ACYP2: variants seen among roughly 807,000 people sequenced by gnomAD.
The protein encoded by ACYP2 is acylphosphatase-2.
Under a neutral mutation model 11.2 loss-of-function variants are expected in ACYP2, and 12 were observed. The observed-to-expected ratio is 1.08, with a 90% CI of 0.69 to 1.74. The LOEUF (loss-of-function observed/expected upper bound fraction) is 1.74. Ranked by LOEUF, ACYP2 falls within the 40% of genes most tolerant of loss-of-function variation. ACYP2 has a pLI of 0.00. For synonymous variants in ACYP2, 43 were observed against 32.2 expected, an observed-to-expected ratio of 1.33 and a Z score of -1.13; for missense variants, 134 against 101.9, an observed-to-expected ratio of 1.31 and a Z score of -1.35.
chr2:53,982,991 A>G (rs898954798), intron 2 of ACYP2, among the ~76,000 whole-genome samples: 2 of 152,072 alleles, frequency 1.3e-5, no homozygotes, highest in Admixed American at 1.3e-4. Flanking sequence ...TCCTATTATC[A>G]TGGAGCTCAC....
intron 4 of ACYP2, among the ~76,000 whole-genome samples, chr2:54,074,576 ATTTGTGTGTGTG>A (rs1347941283): frequency 1.6e-5 from 2 of 125,348 alleles, no homozygotes; most frequent in African/African-American, 6.7e-5. Context: ...ATAGAACAGA[ATTTGTGTGTGTG>A]TGTGTGTGTG....
intron 6 of ACYP2, among the ~76,000 whole-genome samples, chr2:54,194,471 C>T (rs771043817): frequency 6.6e-6 from 1 of 152,100 alleles, no homozygotes; most frequent in Non-Finnish European, 1.5e-5. Context: ...TCCTTTAACT[C>T]AGCTTTTTCA....
At chr2:54,225,518 A>G (rs1685977866) in intron 6 of ACYP2, among the ~76,000 whole-genome samples, 1 of 152,042 alleles carries the variant, frequency 6.6e-6, no homozygotes, top group African/African-American at 2.4e-5. Flanking sequence ...GGATTTTACT[A>G]TGCTCATTTT....
intron 6 of ACYP2, among the ~76,000 whole-genome samples, chr2:54,282,525 T>G (rs1035637362): frequency 6.6e-6 from 1 of 152,230 alleles, no homozygotes; most frequent in Non-Finnish European, 1.5e-5. Flanking sequence ...GTCACATGTT[T>G]TTCTCCATCT....
At position 54,008,066 on chromosome 2, in the gene ACYP2, C is replaced by A. The variant is rs7600539; in HGVS notation, c.62+34256C>A. Among the ~76,000 whole-genome samples the A allele has an allele frequency of 4.4e-4, 67 of 152,246 alleles. 1 individual carries two copies. Among genetic ancestry groups the A allele is most frequent in the African/African-American group, 1.6e-3 (65 of 41,566 alleles). ...GCTATGTTAGAATTTCTCTTACTGT[C>A]GTAATTTTGCAAACGCAGTTTCACT... On this transcript the variant is annotated intron_variant, in intron 2 of 6. Coordinates refer to ENST00000607452, the MANE Select transcript of ACYP2 (RefSeq NM_001320586.2).
intron 6 of ACYP2, among the ~76,000 whole-genome samples, chr2:54,200,045 T>C (rs1684692054): frequency 6.6e-6 from 1 of 152,230 alleles, no homozygotes; most frequent in Non-Finnish European, 1.5e-5. Context: ...GCATCTCAAT[T>C]ATATTTGTTT....
chr2:54,153,460 G>GTTTT (rs3069007), intron 6 of ACYP2, among the ~76,000 whole-genome samples: 2,264 of 133,010 alleles, frequency 0.017, 52 homozygotes, highest in African/African-American at 0.046. Flanking sequence ...GCTACTTAGG[G>GTTTT]TTTTTTTTTT....
chr2:54,017,783 T>C (rs986872025), intron 2 of ACYP2, among the ~76,000 whole-genome samples: 1 of 151,984 alleles, frequency 6.6e-6, no homozygotes, highest in Non-Finnish European at 1.5e-5. Flanking sequence ...CAGGCTACTG[T>C]ATTACGTGTG....
chr2:54,236,527 T>C lies in ACYP2; in HGVS notation c.405-68161T>C, dbSNP rs1376421788. Among the ~76,000 whole-genome samples the C allele has an allele frequency of 2.0e-5, 3 of 152,200 alleles. No homozygotes were observed. In the East Asian group the frequency reaches 5.8e-4, roughly 29 times the overall value. On this transcript the variant is annotated intron_variant, in intron 6 of 6. Coordinates refer to ENST00000607452, the MANE Select transcript of ACYP2 (RefSeq NM_001320586.2). ...TAGGTAAATTTTTGTTATTGATTTC[T>C]AGTCTAATTTCTTTATGGTAAAATA...
chr2:54,231,502 C>T (rs1410848161), intron 6 of ACYP2, among the ~76,000 whole-genome samples: 2 of 152,144 alleles, frequency 1.3e-5, no homozygotes, highest in East Asian at 1.9e-4. Context: ...AGAATGAGCA[C>T]GGGCTCAGGT....
At chr2:54,059,962 C>CT (rs1676377920) in intron 4 of ACYP2, among the ~76,000 whole-genome samples, 1 of 152,214 alleles carries the variant, frequency 6.6e-6, no homozygotes, top group Non-Finnish European at 1.5e-5. Flanking sequence ...TGCTTGCCTC[C>CT]CATCCCCAGT....
chr2:54,257,681 T>G (rs1246807287), intron 6 of ACYP2, among the ~76,000 whole-genome samples: 1 of 152,036 alleles, frequency 6.6e-6, no homozygotes, highest in African/African-American at 2.4e-5. Context: ...AGAGAGAAAA[T>G]AAGCAATATT....
intron 6 of ACYP2, among the ~76,000 whole-genome samples, chr2:54,276,742 A>T (rs937262653): frequency 5.3e-5 from 8 of 151,886 alleles, no homozygotes; most frequent in Non-Finnish European, 1.2e-4. Flanking sequence ...TTAAATTGAT[A>T]TTTACTGGAG....
chr2:54,019,633 A>G (rs1673893291), intron 2 of ACYP2, among the ~76,000 whole-genome samples: 1 of 150,484 alleles, frequency 6.6e-6, no homozygotes, highest in African/African-American at 2.4e-5. Context: ...TATTATTATT[A>G]TTTTGAGACG....
At chr2:54,174,144 T>C (rs1428046149) in intron 6 of ACYP2, among the ~76,000 whole-genome samples, 2 of 152,234 alleles carry the variant, frequency 1.3e-5, no homozygotes, top group African/African-American at 4.8e-5. Flanking sequence ...TTTCACAATA[T>C]TGATTCTTCC....
chr2:54,005,659 T>A (rs1053899593), intron 2 of ACYP2, among the ~76,000 whole-genome samples: 2 of 152,156 alleles, frequency 1.3e-5, no homozygotes, highest in African/African-American at 2.4e-5. Context: ...TGGTTTCTCT[T>A]TTCTGTTCCA....
At chr2:54,093,706 C>T (rs1205663094) in intron 4 of ACYP2, among the ~76,000 whole-genome samples, 2 of 151,996 alleles carry the variant, frequency 1.3e-5, no homozygotes, top group Non-Finnish European at 2.9e-5. Flanking sequence ...TTCGGGAGGC[C>T]GAGGCGGGTG....
intron 6 of ACYP2, among the ~76,000 whole-genome samples, chr2:54,172,946 T>C (rs13396362): frequency 0.02 from 3,006 of 152,380 alleles, 91 homozygotes; most frequent in African/African-American, 0.068. Context: ...CACTCTATCA[T>C]TGATGGACAT....
At chr2:54,129,901 A>G (rs1292948980) in intron 4 of ACYP2, among the ~76,000 whole-genome samples, 1 of 148,442 alleles carries the variant, frequency 6.7e-6, no homozygotes, top group Non-Finnish European at 1.5e-5. Flanking sequence ...TATATTATAA[A>G]TGTATAATAC....
Sources: allele counts gnomAD v4.1 joint callset (sites outside exome capture counted in the v4.1 genomes callset), GRCh38; gene constraint gnomAD v4.1.1; transcripts MANE v1.5; gene names NCBI Gene and HGNC (gene_info 2026-07-23, HGNC 2026-07-21).